AMN1: variants seen among roughly 807,000 people sequenced by gnomAD.
AMN1 encodes protein AMN1 homolog.
A neutral mutation model predicts 33.0 loss-of-function variants in AMN1; 20 were observed. The ratio of observed to expected loss-of-function variants is 0.61; its 90% CI spans 0.43 to 0.88. The LOEUF (loss-of-function observed/expected upper bound fraction) is 0.88. Ranked by LOEUF, AMN1 falls within the 40% of genes least tolerant of loss-of-function variation. AMN1 has a pLI of 0.00. For synonymous variants in AMN1, 114 were observed against 111.9 expected (o/e 1.02, Z -0.12); for missense variants, 246 against 307.4 (o/e 0.80, Z 1.49).
At chr12:31,681,022 T>A (rs2139658472) in intron 6 of AMN1, among the ~76,000 whole-genome samples, 1 of 152,264 alleles carries the variant, frequency 6.6e-6, no homozygotes, top group South Asian at 2.1e-4. Flanking sequence ...TCAATGATGT[T>A]AGCAAAAATA....
chr12:31,727,107 A>G (rs1940105851), intron 1 of AMN1, among the ~76,000 whole-genome samples: 1 of 152,056 alleles, frequency 6.6e-6, no homozygotes, highest in South Asian at 2.1e-4. Context: ...CACCCTCCTC[A>G]GGGTCCCAAA....
At chr12:31,724,692 C>T (rs930694683) in intron 1 of AMN1, among the ~76,000 whole-genome samples, 2 of 149,420 alleles carry the variant, frequency 1.3e-5, no homozygotes, top group East Asian at 1.9e-4. Context: ...TGCCCCCCAC[C>T]GCCACCTTTT....
intron 1 of AMN1, among the ~76,000 whole-genome samples, chr12:31,722,271 C>G (rs917239311): frequency 6.6e-6 from 1 of 152,020 alleles, no homozygotes; most frequent in African/African-American, 2.4e-5. Flanking sequence ...TCACACTGAT[C>G]AAAATGTGTT....
At chr12:31,708,336 C>G (rs941069079) in intron 2 of AMN1, among the ~76,000 whole-genome samples, 2 of 152,086 alleles carry the variant, frequency 1.3e-5, no homozygotes, top group Admixed American at 1.3e-4. Context: ...CTGTCCTATG[C>G]GGTTGAGATA....
chr12:31,713,797 G>A (rs1939562366), intron 1 of AMN1, among the ~76,000 whole-genome samples: 1 of 152,024 alleles, frequency 6.6e-6, no homozygotes, highest in South Asian at 2.1e-4. Flanking sequence ...GCAGTAAGCT[G>A]TGATTGTACC....
At chr12:31,706,846 A>G (rs968429064) in intron 2 of AMN1, among the ~76,000 whole-genome samples, 2 of 152,158 alleles carry the variant, frequency 1.3e-5, no homozygotes, top group African/African-American at 4.8e-5. Flanking sequence ...GTATACAGAG[A>G]TATGTTCACA....
intron 6 of AMN1, among the ~76,000 whole-genome samples, chr12:31,686,314 G>A (rs1938258205): frequency 6.6e-6 from 1 of 151,992 alleles, no homozygotes; most frequent in Non-Finnish European, 1.5e-5. Flanking sequence ...GTAGGGTGGT[G>A]CAAGCCTGTA....
At position 31,671,515 on chromosome 12, in the gene AMN1, T is replaced by A. The variant is rs1951271016; in HGVS notation, c.*789A>T. 1 of 152,224 alleles carries A rather than the reference T, an allele frequency of 6.6e-6. No homozygotes were observed. Among genetic ancestry groups the A allele is most frequent in the African/African-American group, 2.4e-5 (1 of 41,458 alleles). The allele number at this position is 152,224 out of a possible 1,614,324, so 9.4% of individuals were successfully genotyped here. A position where few individuals can be genotyped will look rare whatever the true frequency, so the allele number is the denominator to read the frequency against. On this transcript the variant is annotated 3_prime_UTR_variant, in exon 7 of 7. Coordinates refer to ENST00000281471, the MANE Select transcript of AMN1 (RefSeq NM_001113402.2). ...TTGTGATTACCAAAAAGTTTTCACT[T>A]GAAAACTAAGACCTTTGCTGTTTAT... is the stretch of plus-strand genomic sequence containing the variant.
upstream of AMN1, chr12:31,729,050 C>A (rs139742682): frequency 4.6e-3 from 6,897 of 1,506,698 alleles, 24 homozygotes; most frequent in Middle Eastern, 0.012. Context: ...CCAGGGCCTC[C>A]AGAACCCAGC....
At chr12:31,695,489 T>TTCTTTC (rs1298821090) in intron 5 of AMN1, among the ~76,000 whole-genome samples, 4 of 138,180 alleles carry the variant, frequency 2.9e-5, no homozygotes, top group East Asian at 4.2e-4. Flanking sequence ...CTTTCTTTCT[T>TTCTTTC]TTTTTTTTTT....
chr12:31,675,021 CAAA>C (rs61067188), intron 6 of AMN1, among the ~76,000 whole-genome samples: 24 of 129,826 alleles, frequency 1.8e-4, no homozygotes, highest in Non-Finnish European at 1.3e-4. Context: ...GACCCAGTGT[CAAA>C]AAAAAAAAAA....
chr12:31,698,277 C>T (rs1938827777), intron 3 of AMN1, among the ~76,000 whole-genome samples: 1 of 152,174 alleles, frequency 6.6e-6, no homozygotes, highest in African/African-American at 2.4e-5. Flanking sequence ...GGCGATTCTC[C>T]TTTTGGTTAA....
intron 1 of AMN1, among the ~76,000 whole-genome samples, chr12:31,721,089 G>A (rs1440576649): frequency 6.6e-6 from 1 of 152,212 alleles, no homozygotes; most frequent in East Asian, 1.9e-4. Context: ...CAAAACAAAA[G>A]TGAATGCAGA....
intron 1 of AMN1, among the ~76,000 whole-genome samples, chr12:31,724,610 T>C (rs892544510): frequency 1.3e-5 from 2 of 152,226 alleles, no homozygotes; most frequent in Admixed American, 6.5e-5. Flanking sequence ...AAGGAGAGAC[T>C]ACTGTATTTT....
rs1250224336 is a variant in AMN1 at position 31,687,769 on chromosome 12, A to C, written c.703+1238T>G. 6.6e-6 allele frequency among the ~76,000 whole-genome samples: 1 copy of C among 152,034 alleles called. No homozygotes were observed. Among genetic ancestry groups the C allele is most frequent in the Non-Finnish European group, 1.5e-5 (1 of 68,022 alleles). On this transcript the variant is annotated intron_variant, in intron 6 of 6. Transcript: ENST00000281471. The surrounding 1 kb of genome is among the most constrained non-coding windows in gnomAD (Gnocchi z 4.1). ...CTGGAAGGACTGGGCATAACTACTG[A>C]TTTACAAGTTAGATCCAGTTTATAT...
chr12:31,702,033 A>C lies in AMN1; in HGVS notation c.172-26T>G, dbSNP rs1242489903. 4 of 1,534,940 alleles carry C rather than the reference A, an allele frequency of 2.6e-6. No individual in the cohort carries two copies. The Admixed American group carries it at 6.4e-5, about 24-fold the overall frequency. ...CTATAACAAATAAGTGATTTTGAAA[A>C]AATTATTTCTTTCTATAAATACAAA... On this transcript the variant is annotated intron_variant, in intron 2 of 6. Coordinates refer to ENST00000281471, the MANE Select transcript of AMN1 (RefSeq NM_001113402.2).
Position 31,728,978 on chromosome 12 carries a change from G to C in AMN1, c.31C>G (p.Leu11Val). Residue 11 changes from leucine (L) to valine (V), a missense_variant, in exon 1 of 7, where the codon CTG becomes GTG. Transcript: ENST00000281471. MPRPRRVSQL[L>V]DLCLWCFMKN... ...GGGACAGGGTAGACTCACAGATCCAGGAGCTGACTGACCCGCCGTGGGCGA... is the reference window on the plus strand; with the variant it reads ...GGGACAGGGTAGACTCACAGATCCACGAGCTGACTGACCCGCCGTGGGCGA... 1 of 1,546,944 alleles carries C rather than the reference G, an allele frequency of 6.5e-7. No homozygotes were observed. Among genetic ancestry groups the C allele is most frequent in the Non-Finnish European group, 8.7e-7 (1 of 1,144,056 alleles).
At chr12:31,723,872 C>A (rs1490139402) in intron 1 of AMN1, among the ~76,000 whole-genome samples, 1 of 152,176 alleles carries the variant, frequency 6.6e-6, no homozygotes, top group East Asian at 1.9e-4. Context: ...ATACTGCTCA[C>A]CAAGTACCCC....
chr12:31,696,223 C>T (rs1938719125), intron 5 of AMN1, among the ~76,000 whole-genome samples: 1 of 151,546 alleles, frequency 6.6e-6, no homozygotes, highest in African/African-American at 2.4e-5. Context: ...GGCGACAGAG[C>T]AAGACTCCGT....
Sources: gnomAD v4.1 joint callset for allele counts (sites outside exome capture counted in the v4.1 genomes callset) on GRCh38, gnomAD v4.1.1 for gene constraint, Gnocchi (gnomAD v3.1) non-coding constraint, MANE v1.5 for transcripts, NCBI Gene and HGNC (gene_info 2026-07-23, HGNC 2026-07-21) for gene names.